The following GRIA1 variants were observed in gnomAD, a reference collection of about 807,000 sequenced individuals.
GRIA1 encodes glutamate ionotropic receptor AMPA type subunit 1, also known as glutamate receptor 1.
A neutral mutation model predicts 99.2 loss-of-function variants in GRIA1; 31 were observed. The observed-to-expected ratio is 0.31, with a 90% CI of 0.23 to 0.42. The LOEUF (loss-of-function observed/expected upper bound fraction) is 0.42, where lower values mean the gene tolerates loss of function less well. GRIA1 is among the 10% of genes least tolerant of loss of function. The pLI is 1.00. For synonymous variants in GRIA1, 438 were observed against 432.4 expected (o/e 1.01, Z -0.16); for missense variants, 782 against 1,157.5 (o/e 0.68, Z 4.71).
At chr5:153,785,295 G>A (rs1007326182) in intron 13 of GRIA1, among the ~76,000 whole-genome samples, 9 of 152,138 alleles carry the variant, frequency 5.9e-5, no homozygotes, top group Non-Finnish European at 1.0e-4. Flanking sequence ...CCATAAATGT[G>A]TTTAAACTTT....
intron 3 of GRIA1, among the ~76,000 whole-genome samples, chr5:153,648,008 G>C (rs1754285022): frequency 6.6e-6 from 1 of 152,142 alleles, no homozygotes; most frequent in Admixed American, 6.5e-5. Flanking sequence ...AAATAGTCTT[G>C]TAATAATTTA....
chr5:153,581,618 C>G (rs1427867777), intron 2 of GRIA1, among the ~76,000 whole-genome samples: 1 of 152,178 alleles, frequency 6.6e-6, no homozygotes, highest in African/African-American at 2.4e-5. Flanking sequence ...CAGTACTTCG[C>G]TGACCTTCCC....
intron 2 of GRIA1, among the ~76,000 whole-genome samples, chr5:153,589,688 T>C (rs1373594411): frequency 6.6e-6 from 1 of 152,192 alleles, no homozygotes; most frequent in Non-Finnish European, 1.5e-5. Flanking sequence ...TCAGAGTCCT[T>C]GCGTGCATCT....
chr5:153,798,190 G>T (rs976803819), intron 14 of GRIA1, among the ~76,000 whole-genome samples: 1 of 152,120 alleles, frequency 6.6e-6, no homozygotes, highest in African/African-American at 2.4e-5. Flanking sequence ...CTCTCCTTTG[G>T]TTGAACCAAA....
rs1051600290 is a variant in GRIA1 at position 153,585,391 on chromosome 5, C to G, written c.221-61537C>G. ...TGTCGCGATCTCAGCTCACTGCAAC[C>G]TCCACCTCCCGGGTCCAAGCAATTT... On this transcript the variant is annotated intron_variant, in intron 2 of 15. Transcript: ENST00000285900. Among the ~76,000 whole-genome samples, 7 of 148,026 alleles carry G rather than the reference C, an allele frequency of 4.7e-5. No homozygotes were observed. The South Asian group carries it at 8.9e-4, about 19-fold the overall frequency.
intron 2 of GRIA1, among the ~76,000 whole-genome samples, chr5:153,616,715 C>CTAA (rs1329561902): frequency 6.6e-6 from 1 of 152,164 alleles, no homozygotes; most frequent in African/African-American, 2.4e-5. Context: ...GATGGTTCAA[C>CTAA]TAATATACAG....
At chr5:153,768,415 C>G (rs1340841402) in intron 12 of GRIA1, among the ~76,000 whole-genome samples, 1 of 152,098 alleles carries the variant, frequency 6.6e-6, no homozygotes, top group Non-Finnish European at 1.5e-5. Flanking sequence ...ATAAACAAAC[C>G]CATGAGTGAG....
chr5:153,527,978 A>C (rs946294967), intron 2 of GRIA1, among the ~76,000 whole-genome samples: 2 of 152,224 alleles, frequency 1.3e-5, no homozygotes, highest in Non-Finnish European at 2.9e-5. Flanking sequence ...AACCATAGTT[A>C]TATACATTTG....
At chr5:153,582,089 T>C (rs1025156530) in intron 2 of GRIA1, among the ~76,000 whole-genome samples, 2 of 152,128 alleles carry the variant, frequency 1.3e-5, no homozygotes, top group Non-Finnish European at 2.9e-5. Context: ...GTCTCCTGAA[T>C]CTCTAGCATG....
At chr5:153,573,466 T>A (rs898227869) in intron 2 of GRIA1, among the ~76,000 whole-genome samples, 6 of 152,196 alleles carry the variant, frequency 3.9e-5, no homozygotes, top group African/African-American at 1.4e-4. Flanking sequence ...ATCTGATACA[T>A]GTTGGCTGCA....
intron 11 of GRIA1, among the ~76,000 whole-genome samples, chr5:153,743,912 C>G (rs1434581545): frequency 6.6e-6 from 1 of 152,110 alleles, no homozygotes; most frequent in Non-Finnish European, 1.5e-5. Flanking sequence ...ATATGTGGAG[C>G]ACAGAGGTTA....
chr5:153,566,393 G>A lies in GRIA1; in HGVS notation c.220+72328G>A, dbSNP rs376392269. Among the ~76,000 whole-genome samples the A allele has an allele frequency of 5.0e-5, 7 of 138,732 alleles. No homozygotes were observed. The East Asian group carries it at 1.1e-3, about 21-fold the overall frequency. The allele number at this position is 138,732 out of a possible 152,430, so 91.0% of individuals were successfully genotyped here. On this transcript the variant is annotated intron_variant, in intron 2 of 15. Transcript: ENST00000285900. ...GCGATCTTGGCTCACTGCAACCTCC[G>A]CCTCCTGGGTTCAAGCGATTCCCTT...
At chr5:153,617,739 C>A (rs749280718) in intron 2 of GRIA1, among the ~76,000 whole-genome samples, 1 of 152,168 alleles carries the variant, frequency 6.6e-6, no homozygotes. Context: ...TTATGACCAA[C>A]TAAAAACTGC....
intron 15 of GRIA1, among the ~76,000 whole-genome samples, chr5:153,808,743 A>G (rs903981357): frequency 2.6e-5 from 4 of 152,200 alleles, no homozygotes; most frequent in Non-Finnish European, 5.9e-5. Context: ...TTTGGGCTCC[A>G]TTTATCATTT....
intron 11 of GRIA1, among the ~76,000 whole-genome samples, chr5:153,721,769 A>G (rs1399418686): frequency 1.3e-5 from 2 of 152,044 alleles, no homozygotes; most frequent in Non-Finnish European, 2.9e-5. Flanking sequence ...TTCTTTCTGG[A>G]TGAACATTTG....
intron 2 of GRIA1, among the ~76,000 whole-genome samples, chr5:153,589,582 T>C (rs777174852): frequency 6.6e-6 from 1 of 152,132 alleles, no homozygotes; most frequent in Non-Finnish European, 1.5e-5. Flanking sequence ...TGCTCGCTTG[T>C]TTGTCTGTGT....
At chr5:153,769,080 A>T (rs1763709696) in intron 12 of GRIA1, among the ~76,000 whole-genome samples, 1 of 152,168 alleles carries the variant, frequency 6.6e-6, no homozygotes, top group Non-Finnish European at 1.5e-5. Context: ...GCTTCCACAT[A>T]CTTGAGACCT....
At chr5:153,648,982 G>T (rs1280202854) in intron 3 of GRIA1, among the ~76,000 whole-genome samples, 2 of 152,162 alleles carry the variant, frequency 1.3e-5, no homozygotes, top group African/African-American at 2.4e-5. Flanking sequence ...GGATTATGTT[G>T]GGGGGACACA....
chr5:153,775,276 T>A (rs1764147566), intron 13 of GRIA1, among the ~76,000 whole-genome samples: 1 of 152,248 alleles, frequency 6.6e-6, no homozygotes, highest in African/African-American at 2.4e-5. Flanking sequence ...TTGGCCTCAG[T>A]TAAAATGTCA....
Sources: gnomAD v4.1 joint callset for allele counts (sites outside exome capture counted in the v4.1 genomes callset) on GRCh38, gnomAD v4.1.1 for gene constraint, MANE v1.5 for transcripts, NCBI Gene and HGNC (gene_info 2026-07-23, HGNC 2026-07-21) for gene names.